ST6GAL1: variants seen among roughly 807,000 people sequenced by gnomAD.
The protein encoded by ST6GAL1 is ST6 beta-galactoside alpha-2,6-sialyltransferase 1.
Under a neutral mutation model 38.0 loss-of-function variants are expected in ST6GAL1, and 20 were observed. That is an observed-to-expected ratio of 0.53 (90% CI 0.37 to 0.77). The LOEUF (loss-of-function observed/expected upper bound fraction) is 0.77. Among genes scored for constraint, ST6GAL1 ranks in the 30% least tolerant of loss-of-function variants. ST6GAL1 has a pLI of 0.00. For synonymous variants in ST6GAL1, 196 were observed against 188.2 expected (o/e 1.04, Z -0.34); for missense variants, 432 against 496.4 (o/e 0.87, Z 1.23).
chr3:186,992,195 T>C (rs1716195612), intron 2 of ST6GAL1, among the ~76,000 whole-genome samples: 1 of 152,060 alleles, frequency 6.6e-6, no homozygotes, highest in African/African-American at 2.4e-5. Flanking sequence ...AGAGACCAGG[T>C]GGAGGGAATT....
Position 187,076,091 on chromosome 3 carries a change from G to A in ST6GAL1, c.*288G>A. On this transcript the variant is annotated 3_prime_UTR_variant, in exon 8 of 8. Transcript: ENST00000169298. ...CCGCCTTCCACCTTGGTAGATGCAA[G>A]GTCTATCTCTCCCATCAGGGCTGCC... 1 of 391,838 alleles carries A rather than the reference G, an allele frequency of 2.6e-6. No homozygotes were observed. Among genetic ancestry groups the A allele is most frequent in the Non-Finnish European group, 4.6e-6 (1 of 215,826 alleles). The allele number at this position is 391,838 out of a possible 1,614,324, so 24.3% of individuals were successfully genotyped here. A position where few individuals can be genotyped will look rare whatever the true frequency, so the allele number is the denominator to read the frequency against.
chr3:187,016,316 G>GA (rs1717113879), intron 2 of ST6GAL1, among the ~76,000 whole-genome samples: 1 of 152,308 alleles, frequency 6.6e-6, no homozygotes, highest in Admixed American at 6.5e-5. Flanking sequence ...AGGAGACAGA[G>GA]AAGGGATATA....
At position 186,931,334 on chromosome 3, in the gene ST6GAL1, G is replaced by C. The variant is rs543873097; in HGVS notation, c.-325+500G>C. On this transcript the variant is annotated intron_variant, in intron 1 of 7. Transcript: ENST00000169298. ...GTGCCGGGCCATTGTCTCAGCCTCGGGGGAGGGAGTGGCTCTAGAGGCGCC... is the reference window on the plus strand; with the variant it reads ...GTGCCGGGCCATTGTCTCAGCCTCGCGGGAGGGAGTGGCTCTAGAGGCGCC... 14 of 152,480 alleles carry C rather than the reference G, an allele frequency of 9.2e-5. 1 individual carries two copies. The East Asian group carries it at 2.7e-3, about 29-fold the overall frequency. The allele number at this position is 152,480 out of a possible 1,614,324, so 9.4% of individuals were successfully genotyped here. A position where few individuals can be genotyped will look rare whatever the true frequency, so the allele number is the denominator to read the frequency against.
chr3:186,974,630 A>G (rs1200777419), intron 2 of ST6GAL1, among the ~76,000 whole-genome samples: 2 of 151,528 alleles, frequency 1.3e-5, no homozygotes, highest in African/African-American at 4.9e-5. Flanking sequence ...AGACAGGAGA[A>G]TTATTTTTGT....
At chr3:186,992,997 G>A (rs3888059) in intron 2 of ST6GAL1, among the ~76,000 whole-genome samples, 54,076 of 151,618 alleles carry the variant, frequency 0.36, 10,986 homozygotes, top group African/African-American at 0.55. Flanking sequence ...CTGGATTGAC[G>A]GCAGCTAGAT....
chr3:187,007,037 A>G (rs931622265), intron 2 of ST6GAL1, among the ~76,000 whole-genome samples: 5 of 152,230 alleles, frequency 3.3e-5, no homozygotes, highest in African/African-American at 1.2e-4. Flanking sequence ...ATCTCTACCA[A>G]TGTTTACAAC....
chr3:187,005,214 C>T lies in ST6GAL1; in HGVS notation c.-182-33528C>T, dbSNP rs1008249595. 2.6e-5 allele frequency among the ~76,000 whole-genome samples: 4 copies of T among 151,256 alleles called. No individual in the cohort carries two copies. The East Asian group carries it at 7.8e-4, about 29-fold the overall frequency. ...TGACCATGAGTTGATAATACTGAAA[C>T]TGGTCATGGGTCTGTGGGGTTCATT... On this transcript the variant is annotated intron_variant, in intron 2 of 7. Transcript: ENST00000169298.
chr3:186,976,870 C>T (rs895282267), intron 2 of ST6GAL1, among the ~76,000 whole-genome samples: 8 of 152,204 alleles, frequency 5.3e-5, no homozygotes, highest in South Asian at 2.1e-4. Context: ...TCTCTCCCCA[C>T]GCATGTATTT....
intron 2 of ST6GAL1, among the ~76,000 whole-genome samples, chr3:186,982,914 T>G (rs1042967507): frequency 2.7e-5 from 4 of 146,266 alleles, no homozygotes; most frequent in African/African-American, 1.0e-4. Context: ...ACTCCTGACC[T>G]CAGGTGATCC....
chr3:187,065,745 G>A (rs761782901), intron 5 of ST6GAL1, among the ~76,000 whole-genome samples: 13 of 152,146 alleles, frequency 8.5e-5, no homozygotes, highest in South Asian at 2.1e-4. Context: ...ACTGCAACCA[G>A]GACATTTCCA....
At chr3:187,059,626 T>G (rs1054095846) in intron 5 of ST6GAL1, among the ~76,000 whole-genome samples, 1 of 152,176 alleles carries the variant, frequency 6.6e-6, no homozygotes, top group African/African-American at 2.4e-5. Context: ...TCAAGTTACT[T>G]CTCTCTAAAA....
chr3:187,022,357 T>TG (rs1717350656), intron 2 of ST6GAL1, among the ~76,000 whole-genome samples: 1 of 152,010 alleles, frequency 6.6e-6, no homozygotes, highest in African/African-American at 2.4e-5. Context: ...CACAGGGACT[T>TG]GGGGGGTAGA....
At position 187,005,810 on chromosome 3, in the gene ST6GAL1, A is replaced by G. The variant is rs545636807; in HGVS notation, c.-182-32932A>G. On this transcript the variant is annotated intron_variant, in intron 2 of 7. Transcript: ENST00000169298. ...CCTATAAAATAATTGATTACTGTCA[A>G]CCAGAAAGTGCTACTAGAATATGGT... Among the ~76,000 whole-genome samples, 103 of 152,296 alleles carry G rather than the reference A, an allele frequency of 6.8e-4. 1 individual carries two copies. The highest frequency in any genetic ancestry group is 2.4e-3 in the African/African-American group (99 of 41,568).
intron 5 of ST6GAL1, among the ~76,000 whole-genome samples, chr3:187,065,814 T>A (rs2108598073): frequency 6.6e-6 from 1 of 152,326 alleles, no homozygotes; most frequent in African/African-American, 2.4e-5. Context: ...AAATATATTA[T>A]ATATACCATC....
At chr3:186,995,934 G>A (rs1358237977) in intron 2 of ST6GAL1, among the ~76,000 whole-genome samples, 1 of 152,166 alleles carries the variant, frequency 6.6e-6, no homozygotes, top group Non-Finnish European at 1.5e-5. Flanking sequence ...TTTGGGTGAG[G>A]TGTGTGGCTG....
chr3:186,970,940 T>G (rs1042057562), intron 2 of ST6GAL1, among the ~76,000 whole-genome samples: 1 of 152,250 alleles, frequency 6.6e-6, no homozygotes, highest in African/African-American at 2.4e-5. Context: ...ATTGCTAAGT[T>G]GCATGGTGAG....
chr3:186,968,488 A>C (rs967819732), intron 2 of ST6GAL1, among the ~76,000 whole-genome samples: 1 of 152,184 alleles, frequency 6.6e-6, no homozygotes, highest in Non-Finnish European at 1.5e-5. Flanking sequence ...GATTACCCCT[A>C]AAAGTGTCCT....
chr3:187,066,290 G>C (rs1238557876), intron 5 of ST6GAL1, among the ~76,000 whole-genome samples: 1 of 152,154 alleles, frequency 6.6e-6, no homozygotes, highest in Non-Finnish European at 1.5e-5. Context: ...TCAGAGAAAG[G>C]ATGCCTTCAG....
chr3:186,964,755 T>A (rs1715044650), intron 2 of ST6GAL1, among the ~76,000 whole-genome samples: 1 of 152,222 alleles, frequency 6.6e-6, no homozygotes, highest in Non-Finnish European at 1.5e-5. Flanking sequence ...GGGCAAGTGC[T>A]ACAACCCAGG....
Sources: allele counts gnomAD v4.1 joint callset (sites outside exome capture counted in the v4.1 genomes callset), GRCh38; gene constraint gnomAD v4.1.1; transcripts MANE v1.5; gene names NCBI Gene and HGNC (gene_info 2026-07-23, HGNC 2026-07-21).